LPP: variants seen among roughly 807,000 people sequenced by gnomAD.
LPP encodes LIM domain containing preferred translocation partner in lipoma, also known as lipoma-preferred partner.
Under a neutral mutation model 60.4 loss-of-function variants are expected in LPP, and 38 were observed. The ratio of observed to expected loss-of-function variants is 0.63; its 90% CI spans 0.49 to 0.83. The LOEUF (loss-of-function observed/expected upper bound fraction) is 0.83, where lower values mean the gene tolerates loss of function less well. Among genes scored for constraint, LPP ranks in the 40% least tolerant of loss-of-function variants. The pLI is 0.00. For missense variants in LPP, 902 were observed against 783.6 expected (o/e 1.15, Z -1.80); for synonymous variants, 328 against 290.8 (o/e 1.13, Z -1.30).
intron 4 of LPP, among the ~76,000 whole-genome samples, chr3:188,441,127 A>G (rs1167090415): frequency 6.6e-6 from 1 of 152,146 alleles, no homozygotes; most frequent in East Asian, 1.9e-4. Context: ...TATTTATACT[A>G]TGCTATCATT....
chr3:188,202,998 T>A (rs1273322942), intron 1 of LPP, among the ~76,000 whole-genome samples: 1 of 150,330 alleles, frequency 6.7e-6, no homozygotes, highest in African/African-American at 2.4e-5. Flanking sequence ...ATTTTATATA[T>A]ATTTGCTGGC....
At chr3:188,782,473 A>G (rs911475492) in intron 9 of LPP, among the ~76,000 whole-genome samples, 7 of 152,178 alleles carry the variant, frequency 4.6e-5, no homozygotes, top group Non-Finnish European at 1.0e-4. Context: ...AATACTTATC[A>G]TGTTGAATTA....
chr3:188,324,056 T>C (rs1757696228), intron 2 of LPP, among the ~76,000 whole-genome samples: 1 of 148,772 alleles, frequency 6.7e-6, no homozygotes, highest in South Asian at 2.2e-4. Context: ...CGTTATTATC[T>C]ATAACTACAA....
At chr3:188,279,757 T>C (rs1245849819) in intron 2 of LPP, among the ~76,000 whole-genome samples, 1 of 152,246 alleles carries the variant, frequency 6.6e-6, no homozygotes, top group Non-Finnish European at 1.5e-5. Context: ...ATTTTAGGGC[T>C]GTATCAAATT....
At chr3:188,450,466 C>G (rs537285268) in intron 4 of LPP, among the ~76,000 whole-genome samples, 1 of 152,120 alleles carries the variant, frequency 6.6e-6, no homozygotes, top group South Asian at 2.1e-4. Context: ...ATTTACAGGC[C>G]TGGTGCGGTG....
At chr3:188,617,061 T>C (rs898492838) in intron 7 of LPP, among the ~76,000 whole-genome samples, 2 of 152,154 alleles carry the variant, frequency 1.3e-5, no homozygotes, top group African/African-American at 4.8e-5. Flanking sequence ...GATAAGCCTA[T>C]TCATCAACAT....
intron 7 of LPP, among the ~76,000 whole-genome samples, chr3:188,683,604 C>G (rs1227455374): frequency 1.3e-5 from 2 of 152,152 alleles, no homozygotes; most frequent in Admixed American, 1.3e-4. Flanking sequence ...ATTTATTTGA[C>G]TGTATACCCT....
At position 188,872,776 on chromosome 3, in the gene LPP, G is replaced by T; in HGVS notation, c.1710+13G>T. On this transcript the variant is annotated intron_variant, in intron 11 of 11. Coordinates refer to ENST00000617246, the MANE Select transcript of LPP (RefSeq NM_001375462.1). Reference sequence around the variant, plus strand: ...CTACCGATGCGAGGTCTGGTTGACAGCCCTGCCCTGCCAGTCTGTGGCAGG... The same window carrying T: ...CTACCGATGCGAGGTCTGGTTGACATCCCTGCCCTGCCAGTCTGTGGCAGG... The T allele has an allele frequency of 6.2e-7, 1 of 1,612,578 alleles. No individual in the cohort carries two copies. Among genetic ancestry groups the T allele is most frequent in the South Asian group, 1.1e-5 (1 of 91,052 alleles).
intron 4 of LPP, among the ~76,000 whole-genome samples, chr3:188,477,213 A>G (rs1453364444): frequency 6.6e-6 from 1 of 152,216 alleles, no homozygotes; most frequent in Non-Finnish European, 1.5e-5. Flanking sequence ...CCTTTGCTTT[A>G]GAGTCAAGAA....
chr3:188,384,562 C>T lies in LPP; in HGVS notation c.-9-21550C>T, dbSNP rs550151625. ...ATCCCAGCACTTTGGGAGGCTGAGG[C>T]GGGCAGATCATGAGGTCAGGAGATT... On this transcript the variant is annotated intron_variant, in intron 3 of 11. Transcript: ENST00000617246. Among the ~76,000 whole-genome samples the T allele has an allele frequency of 2.8e-3, 424 of 152,056 alleles. 1 individual carries two copies. Among genetic ancestry groups the T allele is most frequent in the Middle Eastern group, 6.8e-3 (2 of 294 alleles).
intron 6 of LPP, among the ~76,000 whole-genome samples, chr3:188,569,436 C>G (rs1832996453): frequency 6.6e-6 from 1 of 151,890 alleles, no homozygotes; most frequent in African/African-American, 2.4e-5. Flanking sequence ...TAGGATAGTG[C>G]TTATCTACAA....
chr3:188,500,213 A>G (rs1300268877), intron 5 of LPP, among the ~76,000 whole-genome samples: 1 of 151,992 alleles, frequency 6.6e-6, no homozygotes, highest in Non-Finnish European at 1.5e-5. Flanking sequence ...ATCATTGAGT[A>G]TGATTTTCTC....
chr3:188,671,437 T>G (rs1290177060), intron 7 of LPP, among the ~76,000 whole-genome samples: 1 of 152,230 alleles, frequency 6.6e-6, no homozygotes, highest in East Asian at 1.9e-4. Context: ...AATATTTATT[T>G]AAATTGAAAC....
At chr3:188,297,015 T>C in intron 2 of LPP, among the ~76,000 whole-genome samples, 1 of 152,154 alleles carries the variant, frequency 6.6e-6, no homozygotes, top group East Asian at 1.9e-4. Flanking sequence ...CCCCACACTC[T>C]TCCCAAATGT....
chr3:188,165,038 G>A (rs565315674), intron 1 of LPP, among the ~76,000 whole-genome samples: 5 of 152,132 alleles, frequency 3.3e-5, no homozygotes, highest in African/African-American at 7.2e-5. Context: ...TTGGGAGGCC[G>A]AGGCAGGAGG....
chr3:188,685,965 T>C (rs923496350), intron 7 of LPP, among the ~76,000 whole-genome samples: 1 of 152,142 alleles, frequency 6.6e-6, no homozygotes, highest in Non-Finnish European at 1.5e-5. Flanking sequence ...GATGTAATGA[T>C]GTAGTCAAGG....
At chr3:188,549,002 C>A (rs992702452) in intron 6 of LPP, among the ~76,000 whole-genome samples, 4 of 152,038 alleles carry the variant, frequency 2.6e-5, no homozygotes, top group Non-Finnish European at 5.9e-5. Flanking sequence ...TTTCAAATAA[C>A]TAGAAGGCAG....
intron 5 of LPP, among the ~76,000 whole-genome samples, chr3:188,513,596 T>G (rs1816474021): frequency 6.6e-6 from 1 of 152,038 alleles, no homozygotes; most frequent in African/African-American, 2.4e-5. Flanking sequence ...TGACCTTTAT[T>G]TTAATTGTAA....
intron 4 of LPP, among the ~76,000 whole-genome samples, chr3:188,461,379 C>T (rs1392958482): frequency 6.6e-6 from 1 of 152,098 alleles, no homozygotes. Flanking sequence ...AAAATAGAAG[C>T]CATGTTCTTA....
Sources: gnomAD v4.1 joint callset for allele counts (sites outside exome capture counted in the v4.1 genomes callset) on GRCh38, gnomAD v4.1.1 for gene constraint, MANE v1.5 for transcripts, NCBI Gene and HGNC (gene_info 2026-07-23, HGNC 2026-07-21) for gene names.